COL4A4: variants seen among roughly 807,000 people sequenced by gnomAD.
COL4A4 encodes the protein collagen type IV alpha 4 chain.
COL4A4 carries 105 observed loss-of-function variants against 192.9 expected under a neutral mutation model. The observed-to-expected ratio is 0.54, with a 90% CI of 0.46 to 0.64. The LOEUF is 0.64. Ranked by LOEUF, COL4A4 falls within the 30% of genes least tolerant of loss-of-function variation. COL4A4 has a pLI of 0.00. For synonymous variants in COL4A4, 762 were observed against 769.9 expected (o/e 0.99, Z 0.17); for missense variants, 1,967 against 2,169.3 (o/e 0.91, Z 1.85).
chr2:226,968,192 G>A, the COL4A4 span, among the ~76,000 whole-genome samples: 15 of 152,268 alleles, frequency 9.9e-5, no homozygotes, highest in Non-Finnish European at 2.2e-4. Flanking sequence ...TGTATAAACT[G>A]GAAGAACCCA....
the COL4A4 span, among the ~76,000 whole-genome samples, chr2:226,989,372 G>C: frequency 6.6e-6 from 1 of 152,216 alleles, no homozygotes; most frequent in Non-Finnish European, 1.5e-5. Flanking sequence ...CATGGGTACT[G>C]TTGGGTAACG....
the COL4A4 span, among the ~76,000 whole-genome samples, chr2:226,981,435 CAA>C: frequency 3.7e-5 from 5 of 136,974 alleles, no homozygotes; most frequent in Non-Finnish European, 3.2e-5. Context: ...CATTGAACTT[CAA>C]AAAAAAAAAA....
chr2:227,040,807 G>A (rs181633197), intron 37 of COL4A4, among the ~76,000 whole-genome samples: 9 of 152,016 alleles, frequency 5.9e-5, no homozygotes, highest in East Asian at 3.9e-4. Context: ...CAAGTGATCC[G>A]CCCACGTCAG....
At chr2:227,013,845 C>A (rs1248377624) in intron 44 of COL4A4, among the ~76,000 whole-genome samples, 1 of 152,124 alleles carries the variant, frequency 6.6e-6, no homozygotes, top group Non-Finnish European at 1.5e-5. Flanking sequence ...GCCAGTCAAC[C>A]CAGGAATTCA....
At position 227,147,558 on chromosome 2, in the gene COL4A4, TTC is replaced by T; in HGVS notation, c.-77_-76del. On this transcript the variant is annotated 5_prime_UTR_variant, in exon 2 of 48. Coordinates refer to ENST00000396625, the MANE Select transcript of COL4A4 (RefSeq NM_000092.5). Reference sequence around the variant, plus strand: ...AGAAGGTTCTTGTTGACAAGTGAGGTTCTGTGTTCTGGGTCAAAGTCTGTTCC... The same window carrying T: ...AGAAGGTTCTTGTTGACAAGTGAGGTTGTGTTCTGGGTCAAAGTCTGTTCC... 1 of 1,308,350 alleles carries T rather than the reference TTC, an allele frequency of 7.6e-7. No individual in the cohort carries two copies. Among genetic ancestry groups the T allele is most frequent in the Non-Finnish European group, 1.1e-6 (1 of 907,628 alleles). The allele number at this position is 1,308,350 out of a possible 1,614,324, so 81.0% of individuals were successfully genotyped here. A position where few individuals can be genotyped will look rare whatever the true frequency, so the allele number is the denominator to read the frequency against.
chr2:226,991,429 C>T, the COL4A4 span, among the ~76,000 whole-genome samples: 1 of 152,200 alleles, frequency 6.6e-6, no homozygotes, highest in African/African-American at 2.4e-5. Flanking sequence ...AACCGCCCGC[C>T]TCAGCCTCCC....
the COL4A4 span, among the ~76,000 whole-genome samples, chr2:226,970,206 C>T: frequency 1.3e-5 from 2 of 151,788 alleles, no homozygotes; most frequent in African/African-American, 4.8e-5. Flanking sequence ...ATGTATTTTC[C>T]CCTTTTACCT....
At chr2:226,980,671 C>A in the COL4A4 span, among the ~76,000 whole-genome samples, 1 of 152,106 alleles carries the variant, frequency 6.6e-6, no homozygotes, top group Non-Finnish European at 1.5e-5. Context: ...TCTCTGCTAG[C>A]TTTTTATCTG....
intron 25 of COL4A4, among the ~76,000 whole-genome samples, chr2:227,070,875 T>TAATAAATAAATA (rs146033855): frequency 2.3e-3 from 345 of 149,834 alleles, no homozygotes; most frequent in South Asian, 6.8e-3. Flanking sequence ...TAAAGTATAA[T>TAATAAATAAATA]AATAAATAAA....
chr2:227,056,802 G>A (rs1241225020), intron 29 of COL4A4, among the ~76,000 whole-genome samples: 2 of 152,174 alleles, frequency 1.3e-5, no homozygotes, highest in Non-Finnish European at 2.9e-5. Flanking sequence ...TATTAAAGAG[G>A]TGCAAAAGAG....
At chr2:227,013,084 T>C (rs542561895) in intron 44 of COL4A4, among the ~76,000 whole-genome samples, 1 of 152,290 alleles carries the variant, frequency 6.6e-6, no homozygotes, top group African/African-American at 2.4e-5. Context: ...CGTTAATCCT[T>C]AAGGGGTTCT....
At chr2:227,054,246 G>A (rs12328878) in intron 31 of COL4A4, among the ~76,000 whole-genome samples, 68,549 of 151,962 alleles carry the variant, frequency 0.45, 15,813 homozygotes, top group South Asian at 0.63. Flanking sequence ...TACAGGAAGA[G>A]CTTACCAACT....
At position 227,099,639 on chromosome 2, in the gene COL4A4, A is replaced by T. The variant is rs777600000; in HGVS notation, c.1080T>A (p.Thr360=). 5.6e-6 allele frequency: 9 copies of T among 1,614,112 alleles called. No homozygotes were observed. The Admixed American group carries it at 1.5e-4, about 27-fold the overall frequency. The change falls in exon 18 of 48, where the codon ACT becomes ACA. Residue 360 remains threonine, a synonymous_variant. Coordinates refer to ENST00000396625, the MANE Select transcript of COL4A4 (RefSeq NM_000092.5). ...ACAAACCTTTGAGTGGAAGAGGTGGAGTCACCAAAACACCTGGTGGTCCTG... is the reference window on the plus strand; with the variant it reads ...ACAAACCTTTGAGTGGAAGAGGTGGTGTCACCAAAACACCTGGTGGTCCTG... ...GHPGPPGVLV[T]PPLPLKGPPG...
chr2:227,008,732 A>G (rs2149726670), intron 46 of COL4A4, among the ~76,000 whole-genome samples: 1 of 152,334 alleles, frequency 6.6e-6, no homozygotes, highest in Middle Eastern at 3.4e-3. Flanking sequence ...CCAGGCTTGG[A>G]GATGGTGGTA....
At chr2:227,137,074 C>T (rs6719356) in intron 4 of COL4A4, among the ~76,000 whole-genome samples, 3,015 of 152,330 alleles carry the variant, frequency 0.02, 95 homozygotes, top group African/African-American at 0.067. Flanking sequence ...AGGAAGACCA[C>T]AGGCTCCCTG....
At chr2:227,156,661 T>C (rs1479918602) in intron 1 of COL4A4, among the ~76,000 whole-genome samples, 1 of 151,940 alleles carries the variant, frequency 6.6e-6, no homozygotes, top group East Asian at 1.9e-4. Context: ...AATAAAAGAC[T>C]GGAAAAAGAT....
At chr2:227,007,632 A>T (rs1366401353) in intron 47 of COL4A4, 44 bp from the exon 48 acceptor site, 2 of 1,611,576 alleles carry the variant, frequency 1.2e-6, no homozygotes, top group Non-Finnish European at 1.7e-6. Context: ...ACACACACAG[A>T]CAACCCCAGA....
intron 26 of COL4A4, 48 bp downstream of exon 26, chr2:227,062,482 T>C: frequency 8.2e-7 from 1 of 1,226,616 alleles, no homozygotes; most frequent in Non-Finnish European, 1.2e-6. Flanking sequence ...GGTTTTTTTT[T>C]TTTTACTCTG....
rs377354803 is a variant in COL4A4 at position 227,051,290 on chromosome 2, G to A, written c.2969-132C>T. The A allele has an allele frequency of 1.6e-4, 147 of 906,332 alleles. 1 individual carries two copies. The highest frequency in any genetic ancestry group is 1.4e-3 in the East Asian group (57 of 40,706). 56.1% of individuals were successfully genotyped at this position (906,332 alleles called of 1,614,324 possible). A position where few individuals can be genotyped will look rare whatever the true frequency, so the allele number is the denominator to read the frequency against. On this transcript the variant is annotated intron_variant, in intron 32 of 47. Transcript: ENST00000396625. ...AGGATTCTGATTGCTGTCCCAAGCC[G>A]CTTCCTGATCATTTCTGGCTTCAGT...
Sources: gnomAD v4.1 joint callset for allele counts (sites outside exome capture counted in the v4.1 genomes callset) on GRCh38, gnomAD v4.1.1 for gene constraint, MANE v1.5 for transcripts, NCBI Gene and HGNC (gene_info 2026-07-23, HGNC 2026-07-21) for gene names.